Variants in GEMIN5 observed in about 807,000 individuals in gnomAD.
GEMIN5 encodes gem-associated protein 5.
A neutral mutation model predicts 176.9 loss-of-function variants in GEMIN5; 124 were observed. The ratio of observed to expected loss-of-function variants is 0.70; its 90% confidence interval spans 0.61 to 0.81. The LOEUF (loss-of-function observed/expected upper bound fraction) is 0.81. GEMIN5 is among the 40% of genes least tolerant of loss of function. The pLI, the probability that GEMIN5 is intolerant of heterozygous loss-of-function variation, is 0.00. For missense variants in GEMIN5, 1,843 were observed against 1,814.6 expected (o/e 1.02, Z -0.28); for synonymous variants, 673 against 665.2 (o/e 1.01, Z -0.18).
intron 5 of GEMIN5, among the ~76,000 whole-genome samples, chr5:154,931,072 T>C (rs1018264210): frequency 6.6e-6 from 1 of 152,254 alleles, no homozygotes; most frequent in African/African-American, 2.4e-5. Context: ...AATTCTATGC[T>C]GGGTGTATGT....
At chr5:154,919,609 G>A (rs1337641156) in intron 11 of GEMIN5, among the ~76,000 whole-genome samples, 1 of 152,204 alleles carries the variant, frequency 6.6e-6, no homozygotes, top group African/African-American at 2.4e-5. Flanking sequence ...TTTTACCACA[G>A]CATCACTTTG....
intron 24 of GEMIN5, among the ~76,000 whole-genome samples, chr5:154,895,426 A>G (rs1763329075): frequency 6.6e-6 from 1 of 152,206 alleles, no homozygotes. Flanking sequence ...CAACATGGAT[A>G]GATTTTACAA....
chr5:154,910,119 G>T (rs1160767603), intron 15 of GEMIN5, among the ~76,000 whole-genome samples: 1 of 151,764 alleles, frequency 6.6e-6, no homozygotes, highest in Non-Finnish European at 1.5e-5. Flanking sequence ...TTTTATTGTG[G>T]AATAGAAGCC....
chr5:154,927,925 A>C (rs888694), intron 6 of GEMIN5, among the ~76,000 whole-genome samples: 126,509 of 151,740 alleles, frequency 0.83, 53,461 homozygotes, highest in East Asian at 0.91. Flanking sequence ...CAGGAGGTTG[A>C]GGCTGCAGTG....
chr5:154,907,474 C>A, intron 16 of GEMIN5, 117 bp downstream of exon 16: 2 of 417,428 alleles, frequency 4.8e-6, no homozygotes, highest in South Asian at 3.6e-5. Flanking sequence ...AAAACTAATG[C>A]TGTTTCCAAG....
rs372613336 is a variant in GEMIN5 at position 154,927,783 on chromosome 5, C to T, written c.915-233G>A. 3.3e-3 allele frequency among the ~76,000 whole-genome samples: 504 copies of T among 152,128 alleles called. 5 individuals carry two copies. Among genetic ancestry groups the T allele is most frequent in the African/African-American group, 0.012 (485 of 41,498 alleles). On this transcript the variant is annotated intron_variant, in intron 6 of 27. Transcript: ENST00000285873. Reference sequence around the variant, plus strand: ...AAGGCAGGAGGATTGCTTGAAGCCCCGATCTCAAGACCAGCCTGGGCAACA... The same window carrying T: ...AAGGCAGGAGGATTGCTTGAAGCCCTGATCTCAAGACCAGCCTGGGCAACA...
chr5:154,938,201 GGGAGC>G lies in GEMIN5; in HGVS notation c.-73_-69del. 8.0e-7 allele frequency: 1 copy of G among 1,244,580 alleles called. No individual in the cohort carries two copies. Among genetic ancestry groups the G allele is most frequent in the East Asian group, 3.1e-5 (1 of 32,458 alleles). 77.1% of individuals were successfully genotyped at this position (1,244,580 alleles called of 1,614,324 possible). ...CGCTCGTAGCCTCACGCCTTAGGTA[GGGAGC>G]GGGGCGGGGTGAACTCCGAGCCCCG... On this transcript the variant is annotated 5_prime_UTR_variant, in exon 1 of 28. Coordinates refer to ENST00000285873, the MANE Select transcript of GEMIN5 (RefSeq NM_015465.5).
rs1186727835 is a variant in GEMIN5, at chr5:154,902,797, T to C, written c.2729-121A>G. 3 of 994,716 alleles carry C rather than the reference T, an allele frequency of 3.0e-6. No homozygotes were observed. In the Admixed American group the frequency reaches 6.3e-5, roughly 21 times the overall value. 61.6% of individuals were successfully genotyped at this position (994,716 alleles called of 1,614,324 possible). On this transcript the variant is annotated intron_variant, in intron 19 of 27. Coordinates refer to ENST00000285873, the MANE Select transcript of GEMIN5 (RefSeq NM_015465.5). ...CCTAAAATATGCAGTCATTCTCTGA[T>C]GGGTGTCACCTACCAGAGTGATTAC...
rs1422223409 is a variant in GEMIN5, at chr5:154,891,747, G to A, written c.3761-5C>T. ...TGTCTCTTAGGTGGTCACAGCCTAG[G>A]AAAAGAGGAAAAAGATACTGGGTCA... On this transcript the variant is annotated splice_region_variant and splice_polypyrimidine_tract_variant and intron_variant, in intron 25 of 27. Transcript: ENST00000285873. 1.3e-6 allele frequency: 2 copies of A among 1,567,942 alleles called. No individual in the cohort carries two copies. Among genetic ancestry groups the A allele is most frequent in the Admixed American group, 2.1e-5 (1 of 48,200 alleles).
intron 1 of GEMIN5, among the ~76,000 whole-genome samples, chr5:154,937,561 T>C (rs532600048): frequency 6.6e-6 from 1 of 152,338 alleles, no homozygotes; most frequent in South Asian, 2.1e-4. Flanking sequence ...CCTGAAAGCA[T>C]CTGGTTCAAC....
Position 154,925,908 on chromosome 5 carries a change from T to C in GEMIN5, c.1247A>G (p.Tyr416Cys), listed in dbSNP as rs770316266. Residue 416 changes from tyrosine (Y) to cysteine (C), a missense_variant, in exon 8 of 28, where the codon TAT becomes TGT. Tyr to Cys is a radical substitution (Grantham distance 194). Transcript: ENST00000285873. Reference sequence around the variant, plus strand: ...GCCTTGCCAAAAATTTTTCACATCATAGTTGTTCTTTATGGAGAGTGTATT... The same window carrying C: ...GCCTTGCCAAAAATTTTTCACATCACAGTTGTTCTTTATGGAGAGTGTATT... ...VWNTLSIKNN[Y>C]DVKNFWQGVK... The C allele has an allele frequency of 4.2e-5, 68 of 1,613,812 alleles. No individual in the cohort carries two copies. The South Asian group carries it at 4.5e-4, about 11-fold the overall frequency.
intron 13 of GEMIN5, among the ~76,000 whole-genome samples, chr5:154,914,509 C>CTTT (rs66537820): frequency 1.5e-5 from 2 of 136,236 alleles, no homozygotes; most frequent in African/African-American, 5.4e-5. Flanking sequence ...CACTATTTTA[C>CTTT]TTTTTTTTTT....
chr5:154,913,461 A>G (rs974900565), intron 13 of GEMIN5, among the ~76,000 whole-genome samples: 1 of 152,252 alleles, frequency 6.6e-6, no homozygotes. Context: ...TACCAGACAA[A>G]TGCAAAATGA....
intron 16 of GEMIN5, 115 bp downstream of exon 16, chr5:154,907,476 G>A (rs999566913): frequency 1.0e-5 from 5 of 493,760 alleles, no homozygotes; most frequent in Non-Finnish European, 1.4e-5. Context: ...AACTAATGCT[G>A]TTTCCAAGAG....
chr5:154,931,761 T>C (rs1764170519), intron 4 of GEMIN5, 184 bp from the exon 5 acceptor site: 1 of 544,434 alleles, frequency 1.8e-6, no homozygotes, highest in Admixed American at 3.4e-5. Flanking sequence ...ACGCCTGTAA[T>C]CCCAGCATTT....
rs1252196677 is a variant in GEMIN5, at chr5:154,938,076, T to A, written c.58A>T (p.Ser20Cys). ...AAGAGGCCCCCGGGCACGGCATCGC[T>A]GCAGCGGGCGCAGTACCAGTTGGGG... ...PSPNWYCARC[S>C]DAVPGGLFGF... The change falls in exon 1 of 28, where the codon AGC becomes TGC. Residue 20 changes from serine (S) to cysteine (C), a missense_variant. Coordinates refer to ENST00000285873, the MANE Select transcript of GEMIN5 (RefSeq NM_015465.5). 6.6e-7 allele frequency: 1 copy of A among 1,515,920 alleles called. No homozygotes were observed. Among genetic ancestry groups the A allele is most frequent in the Admixed American group, 2.2e-5 (1 of 44,996 alleles). The allele number at this position is 1,515,920 out of a possible 1,614,324, so 93.9% of individuals were successfully genotyped here. A position where few individuals can be genotyped will look rare whatever the true frequency, so the allele number is the denominator to read the frequency against.
rs753374921 is a variant in GEMIN5 at position 154,919,995 on chromosome 5, T to C, written c.1571A>G (p.Lys524Arg). 16 of 1,613,696 alleles carry C rather than the reference T, an allele frequency of 9.9e-6. No individual in the cohort carries two copies. The highest frequency in any genetic ancestry group is 9.3e-5 in the African/African-American group (7 of 74,916). ...KLSGEAFDIN[K>R]LIRDTNSIKY... ...GATTGAATTGGTGTCCCTGATGAGT[T>C]TGTTGATGTCAAAGGCTTCTCCACT... The change falls in exon 11 of 28, where the codon AAA (lysine) becomes AGA (arginine). Residue 524 changes from lysine to arginine, a missense_variant. By Grantham distance (26) the Lys-to-Arg change is conservative. Coordinates refer to ENST00000285873, the MANE Select transcript of GEMIN5 (RefSeq NM_015465.5).
intron 21 of GEMIN5, 145 bp from the exon 22 acceptor site, chr5:154,899,455 A>G: frequency 1.7e-6 from 1 of 599,002 alleles, no homozygotes; most frequent in South Asian, 3.6e-5. Flanking sequence ...TGCATTATAT[A>G]GACAAATTAG....
chr5:154,908,151 T>C (rs1291560923), intron 15 of GEMIN5, among the ~76,000 whole-genome samples: 1 of 146,494 alleles, frequency 6.8e-6, no homozygotes, highest in Middle Eastern at 3.6e-3. Flanking sequence ...ATTTAAGTTC[T>C]GCCAATTTTA....
Sources: allele counts gnomAD v4.1 joint callset (sites outside exome capture counted in the v4.1 genomes callset), GRCh38; gene constraint gnomAD v4.1.1; transcripts MANE v1.5; gene names NCBI Gene and HGNC (gene_info 2026-07-23, HGNC 2026-07-21).